Variants in STXBP4 observed in about 807,000 individuals in gnomAD.
STXBP4 encodes the protein syntaxin binding protein 4.
Under a neutral mutation model 76.1 loss-of-function variants are expected in STXBP4, and 55 were observed. The observed-to-expected ratio is 0.72, with a 90% CI of 0.58 to 0.91. STXBP4 has a LOEUF of 0.91. STXBP4 is among the 40% of genes least tolerant of loss of function. STXBP4 has a pLI of 0.00. For missense variants in STXBP4, 618 were observed against 636.9 expected, an observed-to-expected ratio of 0.97 and a Z score of 0.32; for synonymous variants, 201 against 220.2, an observed-to-expected ratio of 0.91 and a Z score of 0.77.
chr17:54,975,257 G>T (rs1173433605), intron 1 of STXBP4, among the ~76,000 whole-genome samples: 2 of 152,162 alleles, frequency 1.3e-5, no homozygotes, highest in Non-Finnish European at 2.9e-5. Context: ...TCCTGCCTCA[G>T]CCTCCTGAGT....
intron 1 of STXBP4, among the ~76,000 whole-genome samples, chr17:54,979,302 C>T (rs1255139672): frequency 6.6e-6 from 1 of 152,122 alleles, no homozygotes; most frequent in African/African-American, 2.4e-5. Flanking sequence ...ACCATACCTA[C>T]CTAGCATTTT....
chr17:55,205,294 T>A, the STXBP4 span, among the ~76,000 whole-genome samples: 5 of 151,928 alleles, frequency 3.3e-5, no homozygotes, highest in African/African-American at 1.2e-4. Context: ...TAGTACTTTT[T>A]AAATATTATA....
intron 16 of STXBP4, among the ~76,000 whole-genome samples, chr17:55,101,179 G>A (rs1043193202): frequency 1.3e-5 from 2 of 152,124 alleles, no homozygotes; most frequent in African/African-American, 4.8e-5. Flanking sequence ...TGTCTTCCCA[G>A]TGGGAAAATG....
At chr17:54,971,300 A>G (rs1245140620) in intron 1 of STXBP4, among the ~76,000 whole-genome samples, 1 of 152,228 alleles carries the variant, frequency 6.6e-6, no homozygotes, top group South Asian at 2.1e-4. Flanking sequence ...AAAATACCAC[A>G]GACTGGTTGC....
intron 12 of STXBP4, among the ~76,000 whole-genome samples, chr17:55,051,267 T>A (rs2078854911): frequency 6.6e-6 from 1 of 151,946 alleles, no homozygotes; most frequent in African/African-American, 2.4e-5. Flanking sequence ...AAACTGCAAG[T>A]GTACTGAAGA....
At chr17:55,142,326 G>T (rs192011470) in intron 17 of STXBP4, among the ~76,000 whole-genome samples, 1 of 152,300 alleles carries the variant, frequency 6.6e-6, no homozygotes, top group Non-Finnish European at 1.5e-5. Context: ...GGACTCCTTT[G>T]TGTATCCTTT....
downstream of STXBP4, among the ~76,000 whole-genome samples, chr17:55,178,115 A>G (rs1458287214): frequency 6.6e-6 from 1 of 152,212 alleles, no homozygotes; most frequent in Admixed American, 6.5e-5. Flanking sequence ...GATGTTGGTG[A>G]TATATCATGT....
intron 4 of STXBP4, 186 bp downstream of exon 4, chr17:54,991,143 T>G: frequency 2.3e-6 from 1 of 429,310 alleles, no homozygotes; most frequent in Non-Finnish European, 3.7e-6. Context: ...AAATAGGTTC[T>G]TCTTCTATGA....
chr17:54,969,107 G>A (rs116102748), intron 1 of STXBP4, among the ~76,000 whole-genome samples: 2,832 of 152,202 alleles, frequency 0.019, 100 homozygotes, highest in African/African-American at 0.065. Flanking sequence ...TGTGTTAACC[G>A]CAGCCCTCAT....
intron 8 of STXBP4, among the ~76,000 whole-genome samples, chr17:55,009,784 A>G (rs2078074091): frequency 6.6e-6 from 1 of 152,050 alleles, no homozygotes; most frequent in Admixed American, 6.5e-5. Context: ...CGTGAAATCT[A>G]CATTAGCATC....
intron 12 of STXBP4, among the ~76,000 whole-genome samples, chr17:55,058,677 A>G (rs753015581): frequency 5.9e-5 from 9 of 152,108 alleles, no homozygotes; most frequent in Non-Finnish European, 1.2e-4. Context: ...ATATTCTTAG[A>G]AAGTTCTTAT....
chr17:55,138,141 TA>T (rs1204790703), intron 16 of STXBP4, among the ~76,000 whole-genome samples: 10 of 152,258 alleles, frequency 6.6e-5, no homozygotes, highest in Non-Finnish European at 1.3e-4. Context: ...TCGTGTTCCA[TA>T]TTTTTTTTGT....
intron 17 of STXBP4, among the ~76,000 whole-genome samples, chr17:55,159,074 A>G (rs934945838): frequency 6.6e-6 from 1 of 152,062 alleles, no homozygotes; most frequent in Non-Finnish European, 1.5e-5. Flanking sequence ...GTGAAACCCT[A>G]TCTCTACTAA....
chr17:55,182,808 AC>A, the STXBP4 span, among the ~76,000 whole-genome samples: 1 of 152,104 alleles, frequency 6.6e-6, no homozygotes, highest in South Asian at 2.1e-4. Context: ...AACAACAACA[AC>A]AACAAAAAAC....
At chr17:55,091,543 C>T (rs1273856553) in intron 16 of STXBP4, among the ~76,000 whole-genome samples, 1 of 151,912 alleles carries the variant, frequency 6.6e-6, no homozygotes, top group Non-Finnish European at 1.5e-5. Flanking sequence ...GGGTGGTAGT[C>T]AAAACACAGG....
intron 16 of STXBP4, among the ~76,000 whole-genome samples, chr17:55,132,381 G>A (rs1567776200): frequency 6.6e-6 from 1 of 152,132 alleles, no homozygotes; most frequent in Middle Eastern, 3.4e-3. Flanking sequence ...AGTAGAGACG[G>A]GGTTTCACCA....
chr17:55,199,804 G>A, the STXBP4 span, among the ~76,000 whole-genome samples: 1 of 152,136 alleles, frequency 6.6e-6, no homozygotes, highest in South Asian at 2.1e-4. Context: ...AAATTACCAA[G>A]GCCCGGCATG....
Position 54,993,548 on chromosome 17 carries a change from C to T in STXBP4, c.180+2591C>T, listed in dbSNP as rs1315037347. ...TTAAATATTTTCTCAAGATGGAGAG[C>T]TCTATGCATATGCATATTCTTCAAA... On this transcript the variant is annotated intron_variant, in intron 4 of 17. Coordinates refer to ENST00000376352, the MANE Select transcript of STXBP4 (RefSeq NM_178509.6). 2.6e-5 allele frequency among the ~76,000 whole-genome samples: 4 copies of T among 152,184 alleles called. No individual in the cohort carries two copies. In the East Asian group the frequency reaches 7.7e-4, roughly 29 times the overall value.
chr17:55,022,445 T>C (rs867588500), intron 8 of STXBP4, among the ~76,000 whole-genome samples: 4 of 152,182 alleles, frequency 2.6e-5, no homozygotes. Context: ...TCAACAAATA[T>C]TTATTGTTTA....
Sources: allele counts gnomAD v4.1 joint callset (sites outside exome capture counted in the v4.1 genomes callset), GRCh38; gene constraint gnomAD v4.1.1; transcripts MANE v1.5; gene names NCBI Gene and HGNC (gene_info 2026-07-23, HGNC 2026-07-21).